Variants in MTFR1 observed in about 807,000 individuals in gnomAD.
MTFR1 encodes chondrocyte protein with a poly-proline region.
In MTFR1, 28 loss-of-function variants were observed where a neutral mutation model predicts 38.8. That is an observed-to-expected ratio of 0.72 (90% CI 0.53 to 0.99). MTFR1 has a LOEUF of 0.99. Ranked by LOEUF, MTFR1 falls within the 50% of genes least tolerant of loss-of-function variation. The probability of loss-of-function intolerance (pLI) is 0.00; values close to 1 mark genes in which losing one functional copy is unlikely to be tolerated. For synonymous variants in MTFR1, 145 were observed against 137.0 expected, an observed-to-expected ratio of 1.06 and a Z score of -0.41; for missense variants, 358 against 395.5, an observed-to-expected ratio of 0.91 and a Z score of 0.81.
intron 3 of MTFR1, among the ~76,000 whole-genome samples, chr8:65,758,138 T>C (rs575745696): frequency 6.6e-5 from 10 of 152,154 alleles, no homozygotes; most frequent in Non-Finnish European, 1.5e-4. Context: ...TCCATTCCCA[T>C]TCATAGAGGG....
chr8:65,707,363 T>C, intron 6 of MTFR1, 107 bp downstream of exon 6: 2 of 1,226,468 alleles, frequency 1.6e-6, no homozygotes, highest in Non-Finnish European at 2.3e-6. Context: ...ATGAATAGTT[T>C]TTAGTTTAAA....
rs3833687 is a variant in MTFR1 at position 65,724,978 on chromosome 8, A to AT, written c.*48+5505dup. ...AAGACTTTCAATTAACTATTTATTG[A>AT]TTTTTTTTCTTAACCATAATAATCG... On this transcript the variant is annotated intron_variant, in intron 3 of 3. Coordinates refer to the MTFR1 transcript ENST00000521247. 4.3e-5 allele frequency: 50 copies of AT among 1,168,710 alleles called. No homozygotes were observed. The Middle Eastern group carries it at 6.1e-4, about 14-fold the overall frequency. The allele number at this position is 1,168,710 out of a possible 1,614,324, so 72.4% of individuals were successfully genotyped here.
intron 3 of MTFR1, among the ~76,000 whole-genome samples, chr8:65,754,206 T>G (rs1808106941): frequency 6.6e-6 from 1 of 152,050 alleles, no homozygotes; most frequent in Admixed American, 6.6e-5. Context: ...TTCTGCTTGC[T>G]TTATAGTCTA....
Position 65,763,958 on chromosome 8 carries a change from T to C in MTFR1, c.*49-6989T>C, listed in dbSNP as rs74432099. On this transcript the variant is annotated intron_variant, in intron 3 of 3. Coordinates refer to the MTFR1 transcript ENST00000521247. ...ATTTAGAAGACAGAACATTCTGTTC[T>C]TTCAACTTTAGGACAAACAAGAAAC... Among the ~76,000 whole-genome samples the C allele has an allele frequency of 2.4e-3, 365 of 152,356 alleles. 1 individual carries two copies. Among genetic ancestry groups the C allele is most frequent in the African/African-American group, 8.4e-3 (350 of 41,590 alleles).
At chr8:65,682,650 A>G (rs981310472) in intron 3 of MTFR1, 199 bp downstream of exon 3, 88 of 633,280 alleles carry the variant, frequency 1.4e-4, no homozygotes, top group Non-Finnish European at 1.7e-4. Context: ...GATTTTTAAG[A>G]TATTTATCCT....
intron 6 of MTFR1, 49 bp from the exon 7 acceptor site, chr8:65,707,794 G>T (rs368109831): frequency 3.2e-6 from 5 of 1,586,598 alleles, no homozygotes; most frequent in Non-Finnish European, 4.3e-6. Context: ...TTCCCTGAGG[G>T]TGGCCAGTGT....
chr8:65,662,815 G>A (rs1451768940), intron 1 of MTFR1, among the ~76,000 whole-genome samples: 3 of 150,714 alleles, frequency 2.0e-5, no homozygotes, highest in Non-Finnish European at 4.4e-5. Flanking sequence ...GGAGGTGGGG[G>A]TCAGCCCCCC....
At chr8:65,752,414 T>C (rs1485823074) in intron 3 of MTFR1, among the ~76,000 whole-genome samples, 1 of 152,230 alleles carries the variant, frequency 6.6e-6, no homozygotes, top group African/African-American at 2.4e-5. Flanking sequence ...GTTCAAATTT[T>C]TTTTCAGTAG....
chr8:65,708,282 C>A, intron 7 of MTFR1: 1 of 540,890 alleles, frequency 1.8e-6, no homozygotes, highest in African/African-American at 1.9e-5. Context: ...AGAAGAAAGC[C>A]AAAGTTAACC....
downstream of MTFR1, chr8:65,714,254 C>G (rs2129061486): frequency 6.6e-6 from 1 of 151,006 alleles, no homozygotes; most frequent in Middle Eastern, 3.4e-3. Flanking sequence ...TACCACATGA[C>G]TCCAGTATAG....
intron 1 of MTFR1, among the ~76,000 whole-genome samples, chr8:65,663,072 G>A (rs1804240081): frequency 6.6e-6 from 1 of 152,188 alleles, no homozygotes; most frequent in Admixed American, 6.5e-5. Context: ...GACAATGGCG[G>A]TTTTGTGGAA....
chr8:65,738,540 G>A (rs1807254567), intron 3 of MTFR1, among the ~76,000 whole-genome samples: 1 of 152,048 alleles, frequency 6.6e-6, no homozygotes. Context: ...TTGATATCTT[G>A]TGCCTCAGCC....
intron 7 of MTFR1, chr8:65,708,221 T>C (rs1645578167): frequency 9.9e-7 from 1 of 1,008,290 alleles, no homozygotes; most frequent in East Asian, 2.7e-5. Flanking sequence ...TTTCTAACTA[T>C]GAAAATAATA....
intron 2 of MTFR1, among the ~76,000 whole-genome samples, chr8:65,670,228 T>C (rs978382580): frequency 3.3e-5 from 5 of 152,210 alleles, no homozygotes; most frequent in Non-Finnish European, 7.3e-5. Context: ...ATTGAAAACT[T>C]ACCAGTATTC....
chr8:65,730,167 A>ACTTCTT lies in MTFR1; in HGVS notation c.*48+10687_*48+10692dup, dbSNP rs201329414. Among the ~76,000 whole-genome samples, 12 of 29,170 alleles carry ACTTCTT rather than the reference A, an allele frequency of 4.1e-4. 1 individual carries two copies. Among genetic ancestry groups the ACTTCTT allele is most frequent in the Admixed American group, 5.9e-4 (2 of 3,410 alleles). The allele number at this position is 29,170 out of a possible 152,430, so 19.1% of individuals were successfully genotyped here. ...TGCATGTGAGGGATCCAGGTTGCGCACTTCTTTTTTTTTTTTTTTTTTTTT... is the reference window on the plus strand; with the variant it reads ...TGCATGTGAGGGATCCAGGTTGCGCACTTCTTCTTCTTTTTTTTTTTTTTTTTTTTT... On this transcript the variant is annotated intron_variant, in intron 3 of 3. Coordinates refer to the MTFR1 transcript ENST00000521247.
intron 1 of MTFR1, among the ~76,000 whole-genome samples, chr8:65,645,079 C>T (rs1311070550): frequency 2.0e-5 from 3 of 152,210 alleles, no homozygotes; most frequent in Non-Finnish European, 4.4e-5. Context: ...TACCCCTACA[C>T]CTCCTGCCCC....
At chr8:65,706,918 C>T (rs1563458690) in intron 5 of MTFR1, 92 bp from the exon 6 acceptor site, 2 of 1,422,654 alleles carry the variant, frequency 1.4e-6, no homozygotes, top group Non-Finnish European at 1.9e-6. Flanking sequence ...TTTAGGGGTA[C>T]AAAAATCTTT....
At chr8:65,705,052 A>G (rs892167346) in intron 5 of MTFR1, 123 bp downstream of exon 5, 1 of 841,756 alleles carries the variant, frequency 1.2e-6, no homozygotes, top group South Asian at 1.7e-5. Flanking sequence ...TCATCCAGGT[A>G]CGGTGGCGCA....
chr8:65,683,481 CT>C (rs150514298), intron 3 of MTFR1, among the ~76,000 whole-genome samples: 3 of 151,656 alleles, frequency 2.0e-5, no homozygotes, highest in Non-Finnish European at 2.9e-5. Context: ...TAACTTTGTT[CT>C]TTTTTTTAGC....
Sources: allele counts gnomAD v4.1 joint callset (sites outside exome capture counted in the v4.1 genomes callset), GRCh38; gene constraint gnomAD v4.1.1; transcripts MANE v1.5; gene names NCBI Gene and HGNC (gene_info 2026-07-23, HGNC 2026-07-21).